The following MSH3 variants were observed in gnomAD, a reference collection of about 807,000 sequenced individuals.
The protein encoded by MSH3 is DNA mismatch repair protein Msh3.
Under a neutral mutation model 123.3 loss-of-function variants are expected in MSH3, and 106 were observed. The ratio of observed to expected loss-of-function variants is 0.86; its 90% confidence interval spans 0.73 to 1.01. The LOEUF is 1.01. Among genes scored for constraint, MSH3 ranks in the 50% least tolerant of loss-of-function variants. The pLI is 0.00. For missense variants in MSH3, 1,459 were observed against 1,347.6 expected (o/e 1.08, Z -1.29); for synonymous variants, 515 against 481.4 (o/e 1.07, Z -0.91).
At chr5:80,661,051 C>T (rs946174309) in intron 2 of MSH3, among the ~76,000 whole-genome samples, 3 of 152,180 alleles carry the variant, frequency 2.0e-5, no homozygotes. Flanking sequence ...CCCGCCTCGG[C>T]CTCCCAAAGT....
intron 12 of MSH3, among the ~76,000 whole-genome samples, chr5:80,750,717 T>C (rs149368342): frequency 6.6e-6 from 1 of 152,260 alleles, no homozygotes; most frequent in Non-Finnish European, 1.5e-5. Context: ...CTGTGCAGAT[T>C]TTTAGTTTGA....
At chr5:80,832,762 A>G (rs1745441519) in intron 20 of MSH3, among the ~76,000 whole-genome samples, 1 of 151,884 alleles carries the variant, frequency 6.6e-6, no homozygotes, top group Admixed American at 6.6e-5. Flanking sequence ...TTTTAAAAGC[A>G]CTTGAAGTAT....
At chr5:80,845,350 A>G (rs1440234566) in intron 20 of MSH3, among the ~76,000 whole-genome samples, 1 of 151,998 alleles carries the variant, frequency 6.6e-6, no homozygotes, top group East Asian at 1.9e-4. Flanking sequence ...CTTTCATTTC[A>G]ACCTTGGTGA....
At chr5:80,737,514 G>A (rs536304660) in intron 10 of MSH3, among the ~76,000 whole-genome samples, 48 of 152,292 alleles carry the variant, frequency 3.2e-4, no homozygotes, top group African/African-American at 1.1e-3. Flanking sequence ...CACAAAGCAT[G>A]AATTCTAGCC....
chr5:80,769,022 T>G lies in MSH3; in HGVS notation c.2253+19T>G. 1 of 1,602,734 alleles carries G rather than the reference T, an allele frequency of 6.2e-7. No individual in the cohort carries two copies. Among genetic ancestry groups the G allele is most frequent in the Non-Finnish European group, 8.5e-7 (1 of 1,170,616 alleles). On this transcript the variant is annotated intron_variant, in intron 15 of 23. Transcript: ENST00000265081. ...ACAGGAGGTAATGTCAAGCTTACTT[T>G]TATTTTCTATTAGTTTTACTCTAGT... is the stretch of plus-strand genomic sequence containing the variant.
chr5:80,783,935 C>T (rs944253170), intron 17 of MSH3, among the ~76,000 whole-genome samples: 11 of 152,198 alleles, frequency 7.2e-5, no homozygotes, highest in Middle Eastern at 3.4e-3. Flanking sequence ...CCATGGCTGA[C>T]GCAGTGGCTC....
intron 20 of MSH3, among the ~76,000 whole-genome samples, chr5:80,848,045 A>G (rs1409041003): frequency 2.0e-5 from 3 of 152,198 alleles, no homozygotes; most frequent in South Asian, 4.1e-4. Flanking sequence ...AGCCTGGGCA[A>G]CATGGTGGAA....
At chr5:80,664,774 C>T (rs540995209) in intron 2 of MSH3, among the ~76,000 whole-genome samples, 1 of 152,016 alleles carries the variant, frequency 6.6e-6, no homozygotes, top group Admixed American at 6.5e-5. Flanking sequence ...GTATTTAGCT[C>T]TCAGGTGTGC....
intron 8 of MSH3, among the ~76,000 whole-genome samples, chr5:80,712,497 C>T (rs992741260): frequency 6.6e-6 from 1 of 151,872 alleles, no homozygotes; most frequent in Non-Finnish European, 1.5e-5. Flanking sequence ...TAATATATAC[C>T]TCTAGGCAGT....
chr5:80,831,497 T>C (rs1338905409), intron 20 of MSH3, among the ~76,000 whole-genome samples: 2 of 152,178 alleles, frequency 1.3e-5, no homozygotes, highest in Admixed American at 6.5e-5. Context: ...ATTTACTAAT[T>C]CACGCTTTTT....
In MSH3 at chr5:80,654,784, G is replaced by T. The variant is rs1447333327; in HGVS notation, c.57G>T (p.Ala19=). Residue 19 remains alanine, a synonymous_variant, in exon 1 of 24, where the codon GCG becomes GCT. Coordinates refer to ENST00000265081, the MANE Select transcript of MSH3 (RefSeq NM_002439.5). ...TCGCTGCCTCCAGCTCAGCCCCTGC[G>T]AGGCAAGCGGTTTTGAGCCGATTCT... ...GGLAASSSAP[A]RQAVLSRFFQ... 3.7e-6 allele frequency: 6 copies of T among 1,606,894 alleles called. No individual in the cohort carries two copies. The highest frequency in any genetic ancestry group is 5.1e-6 in the Non-Finnish European group (6 of 1,177,408).
chr5:80,780,449 G>C (rs1453686953), intron 17 of MSH3, among the ~76,000 whole-genome samples: 1 of 152,210 alleles, frequency 6.6e-6, no homozygotes, highest in Non-Finnish European at 1.5e-5. Flanking sequence ...AATCTTCCAA[G>C]GGTAAGGGTT....
chr5:80,774,714 A>C (rs6151808), intron 15 of MSH3, among the ~76,000 whole-genome samples: 3,443 of 152,304 alleles, frequency 0.023, 120 homozygotes, highest in African/African-American at 0.078. Context: ...CCAGGTGCAG[A>C]AAGACAAACT....
chr5:80,787,652 T>A lies in MSH3; in HGVS notation c.2523T>A (p.Ala841=). ...VDCIFSLAKV[A]KQGDYCRPTV... ...GCATTTTCTCCCTGGCCAAGGTCGC[T>A]AAGCAAGGAGATTACTGCAGGTAAG... The change falls in exon 18 of 24, where the codon GCT becomes GCA. Residue 841 remains alanine (A), a synonymous_variant. Coordinates refer to ENST00000265081, the MANE Select transcript of MSH3 (RefSeq NM_002439.5). 1 of 1,613,484 alleles carries A rather than the reference T, an allele frequency of 6.2e-7. No homozygotes were observed. The highest frequency in any genetic ancestry group is 8.5e-7 in the Non-Finnish European group (1 of 1,179,450).
chr5:80,729,292 G>A (rs1743362998), intron 10 of MSH3, among the ~76,000 whole-genome samples: 2 of 151,404 alleles, frequency 1.3e-5, no homozygotes, highest in South Asian at 4.2e-4. Context: ...GTGGGCGCCT[G>A]TAGTCCCAGC....
intron 8 of MSH3, among the ~76,000 whole-genome samples, chr5:80,679,965 C>T (rs1008466759): frequency 1.3e-5 from 2 of 151,984 alleles, no homozygotes; most frequent in African/African-American, 4.8e-5. Flanking sequence ...GTAGACAAAT[C>T]ATTTAGAAAA....
chr5:80,674,924 AT>A, intron 6 of MSH3, 58 bp from the exon 7 acceptor site: 1 of 1,340,106 alleles, frequency 7.5e-7, no homozygotes, highest in Non-Finnish European at 1.0e-6. Flanking sequence ...ATTATTGGAA[AT>A]TTAGCATATT....
intron 20 of MSH3, among the ~76,000 whole-genome samples, chr5:80,833,420 T>C (rs1745453886): frequency 1.3e-5 from 2 of 152,196 alleles, no homozygotes; most frequent in Admixed American, 1.3e-4. Flanking sequence ...GTTGATTTAA[T>C]AAAAACTATA....
At chr5:80,800,236 T>G (rs1744768932) in intron 19 of MSH3, among the ~76,000 whole-genome samples, 1 of 152,254 alleles carries the variant, frequency 6.6e-6, no homozygotes, top group African/African-American at 2.4e-5. Flanking sequence ...TTCCAGCTTT[T>G]GTTTGCTATC....
Sources: allele counts gnomAD v4.1 joint callset (sites outside exome capture counted in the v4.1 genomes callset), GRCh38; gene constraint gnomAD v4.1.1; transcripts MANE v1.5; gene names NCBI Gene and HGNC (gene_info 2026-07-23, HGNC 2026-07-21).